EYA1: variants seen among roughly 807,000 people sequenced by gnomAD.
The protein encoded by EYA1 is protein phosphatase EYA1.
In EYA1, 16 loss-of-function variants were observed where a neutral mutation model predicts 82.0. The observed-to-expected ratio is 0.20, with a 90% CI of 0.13 to 0.30. The LOEUF (loss-of-function observed/expected upper bound fraction) is 0.30. Ranked by LOEUF, EYA1 falls within the 10% of genes least tolerant of loss-of-function variation. EYA1 has a pLI of 1.00. For synonymous variants in EYA1, 261 were observed against 264.4 expected, an observed-to-expected ratio of 0.99 and a Z score of 0.12; for missense variants, 633 against 730.7, an observed-to-expected ratio of 0.87 and a Z score of 1.54.
chr8:71,475,469 G>T (rs972744397), intron 2 of EYA1, among the ~76,000 whole-genome samples: 3 of 151,996 alleles, frequency 2.0e-5, no homozygotes, highest in Non-Finnish European at 2.9e-5. Context: ...ATTTTAACTA[G>T]GCAAATTCTG....
intron 12 of EYA1, among the ~76,000 whole-genome samples, chr8:71,230,024 G>C (rs1811007917): frequency 6.6e-6 from 1 of 152,198 alleles, no homozygotes; most frequent in Admixed American, 6.5e-5. Context: ...CTTTAGAAAT[G>C]CTGCTAGAAT....
Position 71,407,946 on chromosome 8 carries a change from GA to G in EYA1, c.34-51436del, listed in dbSNP as rs1274879766. On this transcript the variant is annotated intron_variant, in intron 2 of 18. Transcript: ENST00000643681. ...CAGATTCACCAAAGTTGAAATGAAG[GA>G]AAAAATGTTAAGGGCAGCCAGAGAG... Among the ~76,000 whole-genome samples the G allele has an allele frequency of 3.7e-3, 553 of 150,976 alleles. 7 individuals carry two copies. The highest frequency in any genetic ancestry group is 0.012 in the African/African-American group (511 of 41,206).
intron 1 of EYA1, chr8:71,356,748 G>T: frequency 8.3e-7 from 1 of 1,207,020 alleles, no homozygotes; most frequent in Non-Finnish European, 1.0e-6. Context: ...GCCAAATGAC[G>T]TGATAGTGAT....
intron 2 of EYA1, among the ~76,000 whole-genome samples, chr8:71,460,759 T>G (rs1808303056): frequency 6.6e-6 from 1 of 152,208 alleles, no homozygotes; most frequent in Non-Finnish European, 1.5e-5. Context: ...GCCATAGGAC[T>G]GTCCCAGAAG....
At chr8:71,415,185 C>A (rs893078378) in intron 2 of EYA1, among the ~76,000 whole-genome samples, 1 of 152,152 alleles carries the variant, frequency 6.6e-6, no homozygotes, top group African/African-American at 2.4e-5. Flanking sequence ...TGCAAAGACA[C>A]CTTTCTTCCT....
intron 12 of EYA1, among the ~76,000 whole-genome samples, chr8:71,224,380 T>G (rs535895709): frequency 6.6e-6 from 1 of 152,350 alleles, no homozygotes; most frequent in Non-Finnish European, 1.5e-5. Flanking sequence ...CTGTTTTCAT[T>G]GTGTCTTTAC....
At chr8:71,438,544 TG>T (rs1327358574) in intron 2 of EYA1, among the ~76,000 whole-genome samples, 1 of 152,130 alleles carries the variant, frequency 6.6e-6, no homozygotes, top group Non-Finnish European at 1.5e-5. Flanking sequence ...AAGATTACAC[TG>T]AGTGGCACAG....
chr8:71,471,977 C>G (rs1809244068), intron 2 of EYA1, among the ~76,000 whole-genome samples: 1 of 152,100 alleles, frequency 6.6e-6, no homozygotes, highest in South Asian at 2.1e-4. Flanking sequence ...TCCAAATACA[C>G]ATCTAGTCAT....
chr8:71,546,511 ATT>A (rs35757925), intron 1 of EYA1, among the ~76,000 whole-genome samples: 14 of 138,508 alleles, frequency 1.0e-4, no homozygotes, highest in African/African-American at 1.1e-4. Context: ...ACTGATTCTT[ATT>A]TTTTTTTTTT....
intron 1 of EYA1, among the ~76,000 whole-genome samples, chr8:71,360,212 G>C (rs759100076): frequency 6.6e-6 from 1 of 152,034 alleles, no homozygotes; most frequent in Admixed American, 6.5e-5. Flanking sequence ...AATAGAGTCC[G>C]CATGAAAACA....
intron 2 of EYA1, among the ~76,000 whole-genome samples, chr8:71,532,817 G>C (rs986871164): frequency 6.6e-6 from 1 of 152,084 alleles, no homozygotes; most frequent in Admixed American, 6.6e-5. Context: ...AAGGACCTTA[G>C]GTTATATGGA....
At chr8:71,454,566 T>C (rs1807711476) in intron 2 of EYA1, among the ~76,000 whole-genome samples, 1 of 152,126 alleles carries the variant, frequency 6.6e-6, no homozygotes. Flanking sequence ...TATAACAAAC[T>C]GTCTCTCAGA....
At chr8:71,541,886 A>G (rs1368377696) in intron 1 of EYA1, among the ~76,000 whole-genome samples, 4 of 152,182 alleles carry the variant, frequency 2.6e-5, no homozygotes, top group Non-Finnish European at 5.9e-5. Flanking sequence ...TATCACAGAA[A>G]CAGCTTCTCA....
chr8:71,233,319 CTT>C (rs570118817), intron 12 of EYA1, among the ~76,000 whole-genome samples: 30 of 152,148 alleles, frequency 2.0e-4, no homozygotes, highest in Non-Finnish European at 2.4e-4. Context: ...AATCCCAGCA[CTT>C]TGGGAGGCCA....
intron 1 of EYA1, among the ~76,000 whole-genome samples, chr8:71,545,269 G>T (rs1030586530): frequency 6.6e-6 from 1 of 152,198 alleles, no homozygotes; most frequent in Non-Finnish European, 1.5e-5. Flanking sequence ...AAATAACTGT[G>T]AGTGTATAAG....
In EYA1 at chr8:71,464,764, A is replaced by G. The variant is rs149471596; in HGVS notation, c.33+70980T>C. Among the ~76,000 whole-genome samples, 7 of 152,330 alleles carry G rather than the reference A, an allele frequency of 4.6e-5. No homozygotes were observed. The East Asian group carries it at 1.3e-3, about 29-fold the overall frequency. On this transcript the variant is annotated intron_variant, in intron 2 of 18. Coordinates refer to the EYA1 transcript ENST00000643681. ...TAACCTACATTAATCATTCTTTTAA[A>G]TTCAATAATAATATGCATTCTACAC...
chr8:71,317,428 C>T, intron 7 of EYA1, 124 bp downstream of exon 7: 1 of 1,000,352 alleles, frequency 1.0e-6, no homozygotes, highest in South Asian at 1.3e-5. Flanking sequence ...AAGCAGGTGT[C>T]CTGCCTCTAA....
chr8:71,410,051 G>T (rs1321834351), intron 2 of EYA1, among the ~76,000 whole-genome samples: 1 of 152,060 alleles, frequency 6.6e-6, no homozygotes, highest in Non-Finnish European at 1.5e-5. Context: ...TCATCCCTGG[G>T]TTCAATATAA....
intron 17 of EYA1, among the ~76,000 whole-genome samples, chr8:71,201,553 G>A (rs909498418): frequency 1.3e-5 from 2 of 152,082 alleles, no homozygotes; most frequent in African/African-American, 4.8e-5. Flanking sequence ...AGAAATTCAT[G>A]TTGTAAAATA....
Sources: gnomAD v4.1 joint callset for allele counts (sites outside exome capture counted in the v4.1 genomes callset) on GRCh38, gnomAD v4.1.1 for gene constraint, MANE v1.5 for transcripts, NCBI Gene and HGNC (gene_info 2026-07-23, HGNC 2026-07-21) for gene names.